The following GPR63 variants were observed in gnomAD, a reference collection of about 807,000 sequenced individuals.
The protein encoded by GPR63 is G protein-coupled receptor 63, also known as probable G protein-coupled receptor 63.
A neutral mutation model predicts 23.1 loss-of-function variants in GPR63; 12 were observed. That is an observed-to-expected ratio of 0.52 (90% CI 0.33 to 0.84). The LOEUF (loss-of-function observed/expected upper bound fraction) is 0.84. Among genes scored for constraint, GPR63 ranks in the 40% least tolerant of loss-of-function variants. The pLI, the probability that GPR63 is intolerant of heterozygous loss-of-function variation, is 0.02. For synonymous variants in GPR63, 172 were observed against 191.1 expected (o/e 0.90, Z 0.82); for missense variants, 472 against 515.6 (o/e 0.92, Z 0.82).
At position 96,798,316 on chromosome 6, in the gene GPR63, G is replaced by T; in HGVS notation, c.*156C>A. On this transcript the variant is annotated 3_prime_UTR_variant, in exon 2 of 2. Transcript: ENST00000229955. Reference sequence around the variant, plus strand: ...AATCACTTTCCTATTATTTATTCTTGGTAACAGAACTATAATTACCATTCT... The same window carrying T: ...AATCACTTTCCTATTATTTATTCTTTGTAACAGAACTATAATTACCATTCT... The T allele has an allele frequency of 1.5e-6, 1 of 680,078 alleles. No individual in the cohort carries two copies. Among genetic ancestry groups the T allele is most frequent in the Non-Finnish European group, 2.4e-6 (1 of 422,646 alleles). The allele number at this position is 680,078 out of a possible 1,614,324, so 42.1% of individuals were successfully genotyped here.
intron 1 of GPR63, among the ~76,000 whole-genome samples, chr6:96,809,516 G>A (rs1773986508): frequency 6.6e-6 from 1 of 152,020 alleles, no homozygotes; most frequent in African/African-American, 2.4e-5. Flanking sequence ...GATAGATATA[G>A]ATACCATGTG....
intron 1 of GPR63, 40 bp downstream of exon 1, chr6:96,837,228 G>GCCGGGGATCGCGGGCCGGGGATC (rs1774756305): frequency 6.6e-6 from 1 of 152,384 alleles, no homozygotes; most frequent in African/African-American, 2.4e-5. Flanking sequence ...TGTCCCGCGG[G>GCCGGGGATCGCGGGCCGGGGATC]CCGGGGATCG....
At chr6:96,819,294 A>G (rs1774239468) in intron 1 of GPR63, among the ~76,000 whole-genome samples, 2 of 152,250 alleles carry the variant, frequency 1.3e-5, no homozygotes, top group South Asian at 4.1e-4. Context: ...GATAGACTAG[A>G]TAAAGAAAAT....
At chr6:96,813,528 C>T (rs573344212) in intron 1 of GPR63, among the ~76,000 whole-genome samples, 91 of 152,270 alleles carry the variant, frequency 6.0e-4, no homozygotes, top group African/African-American at 2.1e-3. Flanking sequence ...TGCAAAGATA[C>T]TTGATATGCT....
At position 96,799,548 on chromosome 6, in the gene GPR63, T is replaced by A. The variant is rs765988637; in HGVS notation, c.184A>T (p.Asn62Tyr). 4 of 1,614,080 alleles carry A rather than the reference T, an allele frequency of 2.5e-6. No individual in the cohort carries two copies. The highest frequency in any genetic ancestry group is 3.4e-6 in the Non-Finnish European group (4 of 1,180,026). Residue 62 changes from asparagine to tyrosine, a missense_variant, in exon 2 of 2, where the codon AAT (asparagine) becomes TAT (tyrosine). By Grantham distance (143) the Asn-to-Tyr change is moderately radical. Coordinates refer to ENST00000229955, the MANE Select transcript of GPR63 (RefSeq NM_030784.4). Reference sequence around the variant, plus strand: ...GGTGTTGTGGGCACAGCTGTACTATTCACGGTCAAGGAACTCAAACCAGTG... The same window carrying A: ...GGTGTTGTGGGCACAGCTGTACTATACACGGTCAAGGAACTCAAACCAGTG... Reference protein sequence around the residue: ...APTGLSSLTVNSTAVPTTPAA... With the variant: ...APTGLSSLTVYSTAVPTTPAA...
rs749140996 is a variant in GPR63, at chr6:96,799,593, T to TA, written c.138dup (p.Ser47Ter). The TA allele has an allele frequency of 6.2e-7, 1 of 1,614,204 alleles. No homozygotes were observed. The highest frequency in any genetic ancestry group is 2.2e-5 in the East Asian group (1 of 44,886). On this transcript the variant is annotated frameshift_variant, in exon 2 of 2. Coordinates refer to ENST00000229955, the MANE Select transcript of GPR63 (RefSeq NM_030784.4). LOFTEE classifies it high-confidence loss of function. ...CCAGTGGGAGCCATGGTTTCAAAAC[T>TA]ATATCTAAGCAATGGACTGAGGTCA...
chr6:96,801,708 T>C lies in GPR63; in HGVS notation c.-150-1827A>G, dbSNP rs570444846. 8.5e-5 allele frequency among the ~76,000 whole-genome samples: 13 copies of C among 152,332 alleles called. No individual in the cohort carries two copies. The East Asian group carries it at 2.5e-3, about 29-fold the overall frequency. ...AATCCTGATCTATTCATTCAAAATA[T>C]CAACTTTACTACTTGCGTTCACTTC... is the stretch of plus-strand genomic sequence containing the variant. On this transcript the variant is annotated intron_variant, in intron 1 of 1. Coordinates refer to ENST00000229955, the MANE Select transcript of GPR63 (RefSeq NM_030784.4).
chr6:96,812,646 C>G (rs1289616977), intron 1 of GPR63, among the ~76,000 whole-genome samples: 1 of 152,050 alleles, frequency 6.6e-6, no homozygotes, highest in East Asian at 1.9e-4. Flanking sequence ...GTGATAAGTC[C>G]TATCGGTGAT....
chr6:96,803,204 T>C (rs950178879), intron 1 of GPR63, among the ~76,000 whole-genome samples: 6 of 152,128 alleles, frequency 3.9e-5, no homozygotes, highest in Non-Finnish European at 8.8e-5. Flanking sequence ...CAGGCACATA[T>C]TGCCCATGCA....
At chr6:96,802,479 T>C (rs1290904242) in intron 1 of GPR63, among the ~76,000 whole-genome samples, 2 of 150,860 alleles carry the variant, frequency 1.3e-5, no homozygotes, top group Non-Finnish European at 3.0e-5. Context: ...ACAAAGTATA[T>C]AAACCAAAAG....
At chr6:96,820,403 T>C (rs1755045817) in intron 1 of GPR63, among the ~76,000 whole-genome samples, 1 of 152,206 alleles carries the variant, frequency 6.6e-6, no homozygotes, top group South Asian at 2.1e-4. Flanking sequence ...ACATGTTTCT[T>C]ATGAAAATAG....
rs775121450 is a variant in GPR63 at position 96,798,775 on chromosome 6, G to A, written c.957C>T (p.Leu319=). 10 of 1,614,152 alleles carry A rather than the reference G, an allele frequency of 6.2e-6. No homozygotes were observed. The highest frequency in any genetic ancestry group is 7.6e-6 in the Non-Finnish European group (9 of 1,180,032). The change falls in exon 2 of 2, where the codon CTC becomes CTT. Residue 319 remains leucine (L), a synonymous_variant. Coordinates refer to ENST00000229955, the MANE Select transcript of GPR63 (RefSeq NM_030784.4). ...KTRAFTTILI[L]FAVFIVCWAP... is the part of the protein sequence containing the mutation. ...CCCAGCAGACAATGAAGACAGCAAA[G>A]AGAATCAAAATAGTGGTGAAGGCAC...
intron 1 of GPR63, among the ~76,000 whole-genome samples, chr6:96,820,891 T>C (rs17057033): frequency 0.011 from 1,703 of 152,304 alleles, 25 homozygotes; most frequent in African/African-American, 0.039. Context: ...ATCATATCAG[T>C]GGTATTTCTT....
Position 96,799,314 on chromosome 6 carries a change from C to A in GPR63, c.418G>T (p.Val140Leu), listed in dbSNP as rs1433526187. 6.2e-7 allele frequency: 1 copy of A among 1,613,956 alleles called. No homozygotes were observed. The highest frequency in any genetic ancestry group is 1.3e-5 in the African/African-American group (1 of 74,894). ...ATCCATCGGGTAGTAAGAATAGTTA[C>A]CAGGGCAAAGGGCATGTTCAGCACT... ...LAVLNMPFAL[V>L]TILTTRWIFG... Residue 140 changes from valine (V) to leucine (L), a missense_variant, in exon 2 of 2, where the codon GTA becomes TTA. By Grantham distance (32) the Val-to-Leu change is conservative. Coordinates refer to ENST00000229955, the MANE Select transcript of GPR63 (RefSeq NM_030784.4).
intron 1 of GPR63, among the ~76,000 whole-genome samples, chr6:96,834,970 G>A (rs890710024): frequency 6.6e-6 from 1 of 152,136 alleles, no homozygotes; most frequent in African/African-American, 2.4e-5. Context: ...TGTCCTAAAG[G>A]TTATTTTTGA....
intron 1 of GPR63, among the ~76,000 whole-genome samples, chr6:96,822,096 G>T (rs1774328976): frequency 6.6e-6 from 1 of 151,678 alleles, no homozygotes; most frequent in African/African-American, 2.4e-5. Flanking sequence ...CTTTGGTCTT[G>T]CACTATGTAA....
intron 1 of GPR63, among the ~76,000 whole-genome samples, chr6:96,825,004 A>T (rs1774403975): frequency 6.6e-6 from 1 of 152,202 alleles, no homozygotes. Flanking sequence ...CTCAAACCAA[A>T]GGTGCAGAAA....
At chr6:96,811,801 G>A (rs1774050244) in intron 1 of GPR63, among the ~76,000 whole-genome samples, 1 of 150,208 alleles carries the variant, frequency 6.7e-6, no homozygotes, top group Non-Finnish European at 1.5e-5. Flanking sequence ...CAGAAATAAA[G>A]AATCAACCAT....
In GPR63 at chr6:96,814,266, A is replaced by G. The variant is rs1366089843; in HGVS notation, c.-150-14385T>C. 4.6e-5 allele frequency among the ~76,000 whole-genome samples: 7 copies of G among 152,146 alleles called. No homozygotes were observed. The East Asian group carries it at 1.2e-3, about 25-fold the overall frequency. ...GCCCAAGGTCACATAGCTGGTAAAC[A>G]GTAGAGCGAGGATTGGAACTCAGGT... On this transcript the variant is annotated intron_variant, in intron 1 of 1. Coordinates refer to ENST00000229955, the MANE Select transcript of GPR63 (RefSeq NM_030784.4).
Sources: gnomAD v4.1 joint callset for allele counts (sites outside exome capture counted in the v4.1 genomes callset) on GRCh38, gnomAD v4.1.1 for gene constraint, MANE v1.5 for transcripts, NCBI Gene and HGNC (gene_info 2026-07-23, HGNC 2026-07-21) for gene names.